Variants in CNTN5 observed in about 807,000 individuals in gnomAD.
The protein encoded by CNTN5 is contactin-5.
Under a neutral mutation model 129.1 loss-of-function variants are expected in CNTN5, and 77 were observed. The observed-to-expected ratio is 0.60, with a 90% confidence interval of 0.50 to 0.72. The LOEUF is 0.72. Ranked by LOEUF, CNTN5 falls within the 30% of genes least tolerant of loss-of-function variation. CNTN5 has a pLI of 0.00. For synonymous variants in CNTN5, 509 were observed against 465.6 expected, an observed-to-expected ratio of 1.09 and a Z score of -1.20; for missense variants, 1,478 against 1,328.8, an observed-to-expected ratio of 1.11 and a Z score of -1.75.
intron 3 of CNTN5, among the ~76,000 whole-genome samples, chr11:99,765,938 A>T (rs1479002746): frequency 6.6e-6 from 1 of 152,022 alleles, no homozygotes; most frequent in Non-Finnish European, 1.5e-5. Flanking sequence ...GTTAAAGCAC[A>T]TTTATATCTG....
At chr11:99,431,015 C>CTTTTTT (rs1943346579) in intron 2 of CNTN5, among the ~76,000 whole-genome samples, 1 of 110,412 alleles carries the variant, frequency 9.1e-6, no homozygotes. Flanking sequence ...TTTTTTTTTC[C>CTTTTTT]TCTCATTTCT....
At chr11:99,383,274 C>T (rs933771204) in intron 2 of CNTN5, among the ~76,000 whole-genome samples, 31 of 152,206 alleles carry the variant, frequency 2.0e-4, no homozygotes, top group African/African-American at 6.5e-4. Flanking sequence ...GAAGAAAAGA[C>T]CAAAAGAAAT....
intron 3 of CNTN5, among the ~76,000 whole-genome samples, chr11:99,611,982 T>C (rs1950604872): frequency 1.3e-5 from 2 of 152,194 alleles, no homozygotes; most frequent in African/African-American, 4.8e-5. Context: ...ACAGGGGTTG[T>C]CATCCATACT....
intron 2 of CNTN5, among the ~76,000 whole-genome samples, chr11:99,392,214 T>G (rs924880507): frequency 8.5e-4 from 129 of 151,384 alleles, no homozygotes; most frequent in African/African-American, 3.0e-3. Flanking sequence ...AATAATAAAA[T>G]AATAAAAATA....
chr11:99,381,289 T>C (rs190649147), intron 2 of CNTN5, among the ~76,000 whole-genome samples: 1 of 152,264 alleles, frequency 6.6e-6, no homozygotes, highest in Admixed American at 6.5e-5. Context: ...TCAAAAGTCT[T>C]CTCACAGGAA....
At chr11:99,467,082 T>C (rs2135259579) in intron 2 of CNTN5, among the ~76,000 whole-genome samples, 1 of 152,310 alleles carries the variant, frequency 6.6e-6, no homozygotes, top group South Asian at 2.1e-4. Flanking sequence ...CTATAGAATT[T>C]TAGTTCAGAA....
intron 1 of CNTN5, among the ~76,000 whole-genome samples, chr11:99,047,061 C>T (rs1324255407): frequency 1.3e-5 from 2 of 151,806 alleles, no homozygotes; most frequent in African/African-American, 4.8e-5. Flanking sequence ...GTCCATCTAT[C>T]TTTTTAACAT....
At chr11:100,053,025 A>G (rs938692383) in intron 9 of CNTN5, among the ~76,000 whole-genome samples, 2 of 151,732 alleles carry the variant, frequency 1.3e-5, no homozygotes, top group African/African-American at 4.8e-5. Context: ...TCCTTTAACC[A>G]TATCCTGTAC....
intron 2 of CNTN5, among the ~76,000 whole-genome samples, chr11:99,452,096 A>G (rs946700102): frequency 6.6e-6 from 1 of 152,178 alleles, no homozygotes; most frequent in East Asian, 1.9e-4. Context: ...TAGAGATTAC[A>G]TAATTCAAAA....
At chr11:99,155,282 C>T (rs1213557205) in intron 1 of CNTN5, among the ~76,000 whole-genome samples, 1 of 152,196 alleles carries the variant, frequency 6.6e-6, no homozygotes, top group Non-Finnish European at 1.5e-5. Context: ...GCATTTAAAA[C>T]ATTTTTAAAA....
intron 21 of CNTN5, chr11:100,337,178 A>G: frequency 6.7e-7 from 1 of 1,488,644 alleles, no homozygotes; most frequent in Non-Finnish European, 9.3e-7. Context: ...CAGTGGGTTG[A>G]CACAGATGAC....
At chr11:99,215,355 C>T (rs777793917) in intron 1 of CNTN5, among the ~76,000 whole-genome samples, 6 of 151,984 alleles carry the variant, frequency 3.9e-5, no homozygotes, top group African/African-American at 1.5e-4. Flanking sequence ...TAATCCAGGA[C>T]AAGATATTAG....
chr11:99,353,007 CTT>C (rs945587196), intron 2 of CNTN5, among the ~76,000 whole-genome samples: 1 of 152,168 alleles, frequency 6.6e-6, no homozygotes, highest in Non-Finnish European at 1.5e-5. Flanking sequence ...CGGTGAATCT[CTT>C]GTCGTTCCTT....
chr11:99,998,495 G>T (rs1323489090), intron 8 of CNTN5, among the ~76,000 whole-genome samples: 1 of 133,672 alleles, frequency 7.5e-6, no homozygotes, highest in Non-Finnish European at 1.6e-5. Context: ...ACTGCTCAAT[G>T]AAATAAAAGA....
chr11:99,896,366 A>G (rs1949206562), intron 6 of CNTN5, among the ~76,000 whole-genome samples: 1 of 152,138 alleles, frequency 6.6e-6, no homozygotes, highest in Non-Finnish European at 1.5e-5. Context: ...CTCTGTGATC[A>G]CAGCTGCTGC....
intron 13 of CNTN5, among the ~76,000 whole-genome samples, chr11:100,120,558 C>A (rs1330350430): frequency 6.6e-6 from 1 of 151,784 alleles, no homozygotes; most frequent in African/African-American, 2.4e-5. Flanking sequence ...TGGTTTTTCA[C>A]AACTGGAATA....
At chr11:99,798,305 C>A (rs1946011435) in intron 3 of CNTN5, among the ~76,000 whole-genome samples, 1 of 151,496 alleles carries the variant, frequency 6.6e-6, no homozygotes, top group Non-Finnish European at 1.5e-5. Flanking sequence ...TCATTCTTTT[C>A]TATGGTAGAA....
intron 21 of CNTN5, chr11:100,336,903 G>C (rs1952048584): frequency 1.7e-6 from 1 of 578,654 alleles, no homozygotes. Context: ...TCATAGGGCA[G>C]CCGGTGAATA....
intron 3 of CNTN5, among the ~76,000 whole-genome samples, chr11:99,635,156 G>T (rs1450312689): frequency 6.6e-6 from 1 of 152,002 alleles, no homozygotes; most frequent in Non-Finnish European, 1.5e-5. Context: ...TTAATTTTCA[G>T]TATTTTTCAA....
Sources: gnomAD v4.1 joint callset for allele counts (sites outside exome capture counted in the v4.1 genomes callset) on GRCh38, gnomAD v4.1.1 for gene constraint, MANE v1.5 for transcripts, NCBI Gene and HGNC (gene_info 2026-07-23, HGNC 2026-07-21) for gene names.